ABLIM2: variants seen among roughly 807,000 people sequenced by gnomAD.
ABLIM2 encodes actin binding LIM protein family member 2, also known as actin-binding LIM protein 2.
In ABLIM2, 53 loss-of-function variants were observed where a neutral mutation model predicts 97.7. That is an observed-to-expected ratio of 0.54 (90% CI 0.44 to 0.68). The LOEUF (loss-of-function observed/expected upper bound fraction) is 0.68. Among genes scored for constraint, ABLIM2 ranks in the 30% least tolerant of loss-of-function variants. The pLI is 0.00. For missense variants in ABLIM2, 835 were observed against 867.2 expected (o/e 0.96, Z 0.47); for synonymous variants, 361 against 345.8 (o/e 1.04, Z -0.49).
intron 2 of ABLIM2, among the ~76,000 whole-genome samples, chr4:8,101,053 G>A (rs748319744): frequency 6.6e-6 from 1 of 152,224 alleles, no homozygotes; most frequent in Non-Finnish European, 1.5e-5. Context: ...GATGGGAACA[G>A]GGACCACCCA....
intron 1 of ABLIM2, among the ~76,000 whole-genome samples, chr4:8,133,925 G>A (rs534846991): frequency 6.6e-6 from 1 of 152,264 alleles, no homozygotes; most frequent in African/African-American, 2.4e-5. Flanking sequence ...CACCTGTCAG[G>A]CACCAGAGCA....
chr4:7,965,645 T>C lies in ABLIM2; in HGVS notation c.*1345A>G, dbSNP rs1233797916. 2.0e-5 allele frequency: 3 copies of C among 152,214 alleles called. No individual in the cohort carries two copies. Among genetic ancestry groups the C allele is most frequent in the Non-Finnish European group, 4.4e-5 (3 of 68,056 alleles). 9.4% of individuals were successfully genotyped at this position (152,214 alleles called of 1,614,324 possible). A position where few individuals can be genotyped will look rare whatever the true frequency, so the allele number is the denominator to read the frequency against. ...GTGTTTCATCCACCTCTCAGCGCGC[T>C]TATCAGCATCCTGTGACGGCCGGTG... is the stretch of plus-strand genomic sequence containing the variant. On this transcript the variant is annotated 3_prime_UTR_variant, in exon 21 of 21. Coordinates refer to ENST00000447017, the MANE Select transcript of ABLIM2 (RefSeq NM_001130083.2).
chr4:8,100,509 G>C (rs1288535117), intron 2 of ABLIM2, among the ~76,000 whole-genome samples: 1 of 152,138 alleles, frequency 6.6e-6, no homozygotes, highest in African/African-American at 2.4e-5. Context: ...CACTTTGGGA[G>C]GCTGAGGGGG....
chr4:8,065,778 G>T (rs1806729270), intron 6 of ABLIM2, among the ~76,000 whole-genome samples: 1 of 151,900 alleles, frequency 6.6e-6, no homozygotes, highest in African/African-American at 2.4e-5. Flanking sequence ...ACAAAAATTA[G>T]CTAGGCTTGG....
intron 1 of ABLIM2, among the ~76,000 whole-genome samples, chr4:8,118,086 C>A (rs986207327): frequency 8.5e-5 from 13 of 152,252 alleles, no homozygotes; most frequent in Non-Finnish European, 1.9e-4. Context: ...AAGTCACCAC[C>A]TCTGGAGCCT....
At chr4:8,106,430 C>A in intron 2 of ABLIM2, 64 bp downstream of exon 2, 1 of 1,552,840 alleles carries the variant, frequency 6.4e-7, no homozygotes, top group Non-Finnish European at 8.7e-7. Context: ...GCTTTGCGGG[C>A]CCAGGATCGC....
chr4:8,037,855 C>T (rs748938262), intron 9 of ABLIM2, among the ~76,000 whole-genome samples: 15 of 152,232 alleles, frequency 9.9e-5, no homozygotes, highest in Admixed American at 3.9e-4. Flanking sequence ...GAATGCGGGA[C>T]GCTGGGAGAA....
intron 3 of ABLIM2, among the ~76,000 whole-genome samples, chr4:8,092,221 C>T (rs1829207858): frequency 6.6e-6 from 1 of 151,850 alleles, no homozygotes; most frequent in South Asian, 2.1e-4. Context: ...TGGTCTCGAA[C>T]TCCTGACCTC....
At position 8,082,605 on chromosome 4, in the gene ABLIM2, C is replaced by T. The variant is rs1031550535; in HGVS notation, c.455-1803G>A. On this transcript the variant is annotated intron_variant, in intron 4 of 20. Coordinates refer to ENST00000447017, the MANE Select transcript of ABLIM2 (RefSeq NM_001130083.2). This position sits in a 1 kb window ranked among gnomAD's most constrained non-coding sequence, Gnocchi z 5.6. ...GTCAAGCTCAGGATTTCCTAAGTGA[C>T]CACACTGTGCACATTCACATGCTAC... 1.3e-5 allele frequency among the ~76,000 whole-genome samples: 2 copies of T among 152,226 alleles called. No individual in the cohort carries two copies. The highest frequency in any genetic ancestry group is 2.4e-5 in the African/African-American group (1 of 41,452).
At chr4:7,983,705 C>T (rs1482381237) in intron 18 of ABLIM2, among the ~76,000 whole-genome samples, 151 bp from the exon 19 acceptor site, 1 of 152,232 alleles carries the variant, frequency 6.6e-6, no homozygotes, top group Admixed American at 6.5e-5. Context: ...GCACTGAGGC[C>T]CTAATCTCAG....
chr4:7,982,604 G>C (rs2149660385), intron 20 of ABLIM2, among the ~76,000 whole-genome samples: 1 of 152,324 alleles, frequency 6.6e-6, no homozygotes, highest in South Asian at 2.1e-4. Flanking sequence ...TTCTGCATTT[G>C]TCCGGTTATT....
In ABLIM2 at chr4:8,091,422, ATATTATATATAATTAATTATG is replaced by A. The variant is rs1165452344; in HGVS notation, c.339-3159_339-3139del. On this transcript the variant is annotated intron_variant, in intron 3 of 20. Transcript: ENST00000447017. The stretch of plus-strand genomic sequence containing the variant: ...TATGTAATATATAATTATATATTAT[ATATTATATATAATTAATTATG>A]TATTATATATAATTATATAATTATA... Among the ~76,000 whole-genome samples, 2 of 47,120 alleles carry A rather than the reference ATATTATATATAATTAATTATG, an allele frequency of 4.2e-5. 1 individual carries two copies. The highest frequency in any genetic ancestry group is 8.4e-5 in the Non-Finnish European group (2 of 23,942). The allele number at this position is 47,120 out of a possible 152,430, so 30.9% of individuals were successfully genotyped here. A position where few individuals can be genotyped will look rare whatever the true frequency, so the allele number is the denominator to read the frequency against.
intron 20 of ABLIM2, among the ~76,000 whole-genome samples, chr4:7,980,941 A>ATCTTTTTT (rs1483414043): frequency 0.056 from 4,652 of 82,580 alleles, 430 homozygotes; most frequent in Non-Finnish European, 0.075. Context: ...ACAACCCCTT[A>ATCTTTTTT]TTTTTTTTTT....
intron 1 of ABLIM2, 90 bp from the exon 2 acceptor site, chr4:8,106,727 C>T (rs753715407): frequency 7.5e-6 from 11 of 1,468,344 alleles, no homozygotes; most frequent in Non-Finnish European, 9.9e-6. Context: ...GCACAGCTGA[C>T]CCTGCCAGCG....
chr4:8,135,706 T>C (rs182203357), intron 1 of ABLIM2, among the ~76,000 whole-genome samples: 1 of 152,284 alleles, frequency 6.6e-6, no homozygotes, highest in East Asian at 1.9e-4. Flanking sequence ...CCCCAGTGGA[T>C]GAAGACAGAT....
intron 16 of ABLIM2, among the ~76,000 whole-genome samples, chr4:7,993,321 A>G (rs1750456609): frequency 6.6e-6 from 1 of 152,250 alleles, no homozygotes; most frequent in African/African-American, 2.4e-5. Flanking sequence ...GAGCTGTGCC[A>G]TCCTGTGCCA....
At chr4:8,078,292 T>C (rs994840305) in intron 5 of ABLIM2, among the ~76,000 whole-genome samples, 1 of 152,196 alleles carries the variant, frequency 6.6e-6, no homozygotes, top group East Asian at 1.9e-4. Flanking sequence ...CCTTCCGCAG[T>C]GCAGGAAAGA....
intron 9 of ABLIM2, among the ~76,000 whole-genome samples, chr4:8,039,095 A>G (rs564000904): frequency 9.2e-5 from 14 of 152,218 alleles, no homozygotes; most frequent in Middle Eastern, 3.4e-3. Context: ...TCCCCTCAAG[A>G]CTGTGGCTCC....
chr4:8,109,898 G>A (rs182283122), intron 1 of ABLIM2, among the ~76,000 whole-genome samples: 115 of 152,360 alleles, frequency 7.5e-4, no homozygotes, highest in African/African-American at 2.6e-3. Flanking sequence ...TCTCACTCTG[G>A]TTGAATCCAC....
Sources: gnomAD v4.1 joint callset for allele counts (sites outside exome capture counted in the v4.1 genomes callset) on GRCh38, gnomAD v4.1.1 for gene constraint, Gnocchi (gnomAD v3.1) non-coding constraint, MANE v1.5 for transcripts, NCBI Gene and HGNC (gene_info 2026-07-23, HGNC 2026-07-21) for gene names.